KCNH4: variants seen among roughly 807,000 people sequenced by gnomAD.
The protein encoded by KCNH4 is potassium voltage-gated channel subfamily H member 4.
A neutral mutation model predicts 90.7 loss-of-function variants in KCNH4; 33 were observed. The ratio of observed to expected loss-of-function variants is 0.36; its 90% CI spans 0.28 to 0.49. The LOEUF (loss-of-function observed/expected upper bound fraction) is 0.49. Ranked by LOEUF, KCNH4 falls within the 20% of genes least tolerant of loss-of-function variation. The pLI, the probability that KCNH4 is intolerant of heterozygous loss-of-function variation, is 0.98. For synonymous variants in KCNH4, 551 were observed against 581.7 expected (o/e 0.95, Z 0.76); for missense variants, 1,044 against 1,387.1 (o/e 0.75, Z 3.93).
intron 4 of KCNH4, among the ~76,000 whole-genome samples, chr17:42,177,684 G>A (rs1477408239): frequency 1.3e-5 from 2 of 152,166 alleles, no homozygotes; most frequent in African/African-American, 4.8e-5. Flanking sequence ...CAGAGGGTTG[G>A]GGACTCAATC....
chr17:42,163,368 G>A lies in KCNH4; in HGVS notation c.2478-34C>T. On this transcript the variant is annotated intron_variant, in intron 13 of 16. Transcript: ENST00000264661. The surrounding 1 kb of genome is among the most constrained non-coding windows in gnomAD (Gnocchi z 5.4). Reference sequence around the variant, plus strand: ...AGGGCAGTGCTCATCAGCACCATGGGGTGAGGGTAAGGGCCAGAGCAGAGC... The same window carrying A: ...AGGGCAGTGCTCATCAGCACCATGGAGTGAGGGTAAGGGCCAGAGCAGAGC... 1 of 1,519,862 alleles carries A rather than the reference G, an allele frequency of 6.6e-7. No individual in the cohort carries two copies. The highest frequency in any genetic ancestry group is 1.1e-5 in the South Asian group (1 of 88,874). The allele number at this position is 1,519,862 out of a possible 1,614,324, so 94.1% of individuals were successfully genotyped here. A position where few individuals can be genotyped will look rare whatever the true frequency, so the allele number is the denominator to read the frequency against.
At chr17:42,162,692 A>G (rs1457903453) in intron 14 of KCNH4, among the ~76,000 whole-genome samples, 1 of 151,868 alleles carries the variant, frequency 6.6e-6, no homozygotes, top group Non-Finnish European at 1.5e-5. Context: ...TCCGAGGTTC[A>G]AGCAATTCTC....
Position 42,171,882 on chromosome 17 carries a change from C to T in KCNH4, c.1101G>A (p.Ser367=), listed in dbSNP as rs566520890. Residue 367 remains serine (S), a synonymous_variant, in exon 7 of 17, where the codon TCG becomes TCA. Coordinates refer to ENST00000264661, the MANE Select transcript of KCNH4 (RefSeq NM_012285.3). Reference sequence around the variant, plus strand: ...TCCAGTGGGCAAGGAGCGCAAAGACCGACATGAGCAGCGTGAGCACCACAG... The same window carrying T: ...TCCAGTGGGCAAGGAGCGCAAAGACTGACATGAGCAGCGTGAGCACCACAG... The part of the protein sequence containing the change: ...CSAVVLTLLM[S]VFALLAHWMA... 2.4e-5 allele frequency: 39 copies of T among 1,614,108 alleles called. No individual in the cohort carries two copies. The South Asian group carries it at 2.9e-4, about 12-fold the overall frequency.
At chr17:42,177,943 C>G (rs1001077720) in intron 4 of KCNH4, among the ~76,000 whole-genome samples, 157 bp downstream of exon 4, 5 of 152,082 alleles carry the variant, frequency 3.3e-5, no homozygotes, top group African/African-American at 1.2e-4. Flanking sequence ...TAGGATGGAG[C>G]ATATACCATA....
Position 42,158,498 on chromosome 17 carries a change from T to C in KCNH4, c.*309+1233A>G, listed in dbSNP as rs1375802809. 2.1e-4 allele frequency among the ~76,000 whole-genome samples: 30 copies of C among 145,900 alleles called. No homozygotes were observed. The Admixed American group carries it at 2.1e-3, about 10-fold the overall frequency. ...GTGAGCCGAGATTGCACCACTGCAC[T>C]CCAGCCTGGGCGACAGAGTGAGACT... On this transcript the variant is annotated intron_variant, in intron 16 of 16. Transcript: ENST00000264661.
At chr17:42,165,055 A>G (rs1243565695) in intron 11 of KCNH4, among the ~76,000 whole-genome samples, 3 of 151,792 alleles carry the variant, frequency 2.0e-5, no homozygotes, top group Non-Finnish European at 4.4e-5. Context: ...GTGATGAGCC[A>G]AGATCGCGCC....
At chr17:42,157,337 C>T (rs921100212) in intron 16 of KCNH4, among the ~76,000 whole-genome samples, 3 of 151,984 alleles carry the variant, frequency 2.0e-5, no homozygotes, top group South Asian at 4.2e-4. Flanking sequence ...TTTGAGCCTC[C>T]GCGCCTGGCA....
Position 42,176,051 on chromosome 17 carries a change from G to A in KCNH4, c.829+3C>T, listed in dbSNP as rs1436511163. ...CCAGGGTGGGTGAGGCAGAAGGTCT[G>A]ACCTAGGATGAAGAGCATTTCCACG... On this transcript the variant is annotated splice_donor_region_variant and intron_variant, in intron 5 of 16. Coordinates refer to ENST00000264661, the MANE Select transcript of KCNH4 (RefSeq NM_012285.3). The A allele has an allele frequency of 6.3e-7, 1 of 1,598,504 alleles. No individual in the cohort carries two copies. The highest frequency in any genetic ancestry group is 8.5e-7 in the Non-Finnish European group (1 of 1,170,262).
At chr17:42,176,665 G>A (rs1271979803) in intron 4 of KCNH4, among the ~76,000 whole-genome samples, 1 of 151,336 alleles carries the variant, frequency 6.6e-6, no homozygotes, top group African/African-American at 2.4e-5. Flanking sequence ...TGGGACTACG[G>A]GAACATGCCA....
chr17:42,167,275 CT>C (rs973333326), intron 9 of KCNH4, among the ~76,000 whole-genome samples: 3 of 151,298 alleles, frequency 2.0e-5, no homozygotes, highest in Non-Finnish European at 4.4e-5. Flanking sequence ...TTTCTTTTTT[CT>C]TTTTTTTTGA....
At chr17:42,174,099 A>G (rs1295717200) in intron 6 of KCNH4, among the ~76,000 whole-genome samples, 6 of 152,144 alleles carry the variant, frequency 3.9e-5, no homozygotes, top group African/African-American at 1.4e-4. Context: ...CTGGGACTAC[A>G]GGTACGTGCC....
At chr17:42,161,119 A>G (rs920411747) in intron 15 of KCNH4, among the ~76,000 whole-genome samples, 5 of 151,820 alleles carry the variant, frequency 3.3e-5, no homozygotes, top group Non-Finnish European at 7.4e-5. Context: ...TAGTAGAGAC[A>G]GGGTTTCACC....
rs894501025 is a variant in KCNH4 at position 42,159,721 on chromosome 17, C to T, written c.*309+10G>A. 3 of 235,820 alleles carry T rather than the reference C, an allele frequency of 1.3e-5. No homozygotes were observed. The highest frequency in any genetic ancestry group is 2.4e-5 in the Non-Finnish European group (3 of 123,156). The allele number at this position is 235,820 out of a possible 1,614,324, so 14.6% of individuals were successfully genotyped here. A position where few individuals can be genotyped will look rare whatever the true frequency, so the allele number is the denominator to read the frequency against. On this transcript the variant is annotated intron_variant, in intron 16 of 16. Transcript: ENST00000264661. The stretch of plus-strand genomic sequence containing the variant: ...TCCCTTGCCCATCCCCTCTGCTCCC[C>T]CATCTCTACCTGCCTCCAGGTCCTG...
chr17:42,170,051 C>T, intron 8 of KCNH4, 56 bp downstream of exon 8: 1 of 1,504,064 alleles, frequency 6.6e-7, no homozygotes, highest in Non-Finnish European at 8.9e-7. Context: ...CCTCAGTTTC[C>T]CCGTGCATGC....
chr17:42,170,314 C>T lies in KCNH4; in HGVS notation c.1196-13G>A, dbSNP rs537218975. ...TCATGCAACCAGCCTGCAGGGTGGA[C>T]GGATGCAGGGAGCCCTGGCTGTGCC... On this transcript the variant is annotated splice_polypyrimidine_tract_variant and intron_variant, in intron 7 of 16. Coordinates refer to ENST00000264661, the MANE Select transcript of KCNH4 (RefSeq NM_012285.3). The T allele has an allele frequency of 2.4e-5, 38 of 1,572,408 alleles. No individual in the cohort carries two copies. The highest frequency in any genetic ancestry group is 7.3e-5 in the Admixed American group (4 of 55,090).
At chr17:42,161,997 C>T (rs1045767022) in intron 15 of KCNH4, among the ~76,000 whole-genome samples, 2 of 149,928 alleles carry the variant, frequency 1.3e-5, no homozygotes, top group Middle Eastern at 3.5e-3. Context: ...TGCCCTGTCG[C>T]CCAGGCTGGA....
chr17:42,158,567 G>A (rs2079724189), intron 16 of KCNH4, among the ~76,000 whole-genome samples: 1 of 138,044 alleles, frequency 7.2e-6, no homozygotes, highest in African/African-American at 2.7e-5. Flanking sequence ...TGGGTGCGGT[G>A]GCTGACACTT....
At chr17:42,171,457 G>T (rs1282196539) in intron 7 of KCNH4, among the ~76,000 whole-genome samples, 1 of 152,040 alleles carries the variant, frequency 6.6e-6, no homozygotes, top group African/African-American at 2.4e-5. Flanking sequence ...TGGGGGCAGA[G>T]ATGCTAAGCT....
rs755888209 is a variant in KCNH4, at chr17:42,169,654, G to A, written c.1413C>T (p.Phe471=). The A allele has an allele frequency of 1.9e-5, 30 of 1,613,676 alleles. No homozygotes were observed. Among genetic ancestry groups the A allele is most frequent in the East Asian group, 1.8e-4 (8 of 44,886 alleles). ...LIGALMHAVV[F]GNVTAIIQRM... is the part of the protein sequence containing the mutation. ...GCTGGATGATGGCTGTCACGTTCCC[G>A]AACACCACAGCGTGCATCAGGGCTG... Residue 471 remains phenylalanine, a synonymous_variant, in exon 9 of 17, where the codon TTC becomes TTT. Transcript: ENST00000264661.
Sources: gnomAD v4.1 joint callset for allele counts (sites outside exome capture counted in the v4.1 genomes callset) on GRCh38, gnomAD v4.1.1 for gene constraint, Gnocchi (gnomAD v3.1) non-coding constraint, MANE v1.5 for transcripts, NCBI Gene and HGNC (gene_info 2026-07-23, HGNC 2026-07-21) for gene names.